Variants in IMPDH1 observed in about 807,000 individuals in gnomAD.
IMPDH1 encodes inosine monophosphate dehydrogenase 1, also known as inosine-5'-monophosphate dehydrogenase 1.
IMPDH1 carries 41 observed loss-of-function variants against 73.5 expected under a neutral mutation model. That is an observed-to-expected ratio of 0.56 (90% CI 0.43 to 0.72). The LOEUF (loss-of-function observed/expected upper bound fraction) is 0.72, where lower values mean the gene tolerates loss of function less well. Among genes scored for constraint, IMPDH1 ranks in the 30% least tolerant of loss-of-function variants. IMPDH1 has a pLI of 0.00. For synonymous variants in IMPDH1, 318 were observed against 334.3 expected (o/e 0.95, Z 0.53); for missense variants, 645 against 824.8 (o/e 0.78, Z 2.67).
Position 128,395,206 on chromosome 7 carries a change from C to T in IMPDH1, c.1330G>A (p.Val444Met), listed in dbSNP as rs1797829299. ...ATGCCGCCATCGGCTATGATGGGCACACCAAAGCGCCGGGCATACTCAGCC... is the reference window on the plus strand; with the variant it reads ...ATGCCGCCATCGGCTATGATGGGCATACCAAAGCGCCGGGCATACTCAGCC... ...KVAEYARRFG[V>M]PIIADGGIQT... The change falls in exon 13 of 17, where the codon GTG (valine) becomes ATG (methionine). Residue 444 changes from valine (V) to methionine (M), a missense_variant. Coordinates refer to ENST00000338791, the MANE Select transcript of IMPDH1 (RefSeq NM_000883.4). 3 of 1,613,986 alleles carry T rather than the reference C, an allele frequency of 1.9e-6. No individual in the cohort carries two copies. The highest frequency in any genetic ancestry group is 2.5e-6 in the Non-Finnish European group (3 of 1,180,054).
At position 128,392,924 on chromosome 7, in the gene IMPDH1, C is replaced by G. The variant is rs1427543980; in HGVS notation, c.*83G>C. 1 of 1,372,626 alleles carries G rather than the reference C, an allele frequency of 7.3e-7. No homozygotes were observed. Among genetic ancestry groups the G allele is most frequent in the South Asian group, 1.2e-5 (1 of 86,186 alleles). 85.0% of individuals were successfully genotyped at this position (1,372,626 alleles called of 1,614,324 possible). On this transcript the variant is annotated 3_prime_UTR_variant, in exon 17 of 17. Coordinates refer to ENST00000338791, the MANE Select transcript of IMPDH1 (RefSeq NM_000883.4). ...AGAACCCGTAGTGCAAATCTGTGGACCACTCAGTTATGGAGGGAGGCTGTG... is the reference window on the plus strand; with the variant it reads ...AGAACCCGTAGTGCAAATCTGTGGAGCACTCAGTTATGGAGGGAGGCTGTG...
At position 128,400,143 on chromosome 7, in the gene IMPDH1, C is replaced by A; in HGVS notation, c.826G>T (p.Gly276Cys). 1 of 1,614,094 alleles carries A rather than the reference C, an allele frequency of 6.2e-7. No homozygotes were observed. Among genetic ancestry groups the A allele is most frequent in the Non-Finnish European group, 8.5e-7 (1 of 1,180,032 alleles). Residue 276 changes from glycine to cysteine, a missense_variant, in exon 9 of 17, where the codon GGT (glycine) becomes TGT (cysteine). Physicochemically the swap from Gly to Cys is radical, Grantham distance 159. Coordinates refer to ENST00000338791, the MANE Select transcript of IMPDH1 (RefSeq NM_000883.4). ...TCATTTGCCTCTTTCAACGTCACAC[C>A]TGCTGGAGCCACCACCAGTTCAATC... ...PRIELVVAPA[G>C]VTLKEANEIL...
chr7:128,409,552 T>C, intron 1 of IMPDH1, 68 bp from the exon 2 acceptor site: 1 of 1,579,752 alleles, frequency 6.3e-7, no homozygotes, highest in South Asian at 1.1e-5. Flanking sequence ...ACGAAGCACC[T>C]AACCCTTCGC....
At position 128,398,025 on chromosome 7, in the gene IMPDH1, T is replaced by C. The variant is rs547917251; in HGVS notation, c.1074+389A>G. On this transcript the variant is annotated intron_variant, in intron 10 of 16. Transcript: ENST00000338791. This position sits in a 1 kb window ranked among gnomAD's most constrained non-coding sequence, Gnocchi z 4.3. ...TTTGGAGTTAGTTCACTAAGGATAA[T>C]GGCTTCTAGCTCTGTCCATGTTGCT... Among the ~76,000 whole-genome samples the C allele has an allele frequency of 2.0e-5, 3 of 152,354 alleles. No homozygotes were observed. In the South Asian group the frequency reaches 6.2e-4, roughly 32 times the overall value.
rs1798691797 is a variant in IMPDH1 at position 128,405,805 on chromosome 7, C to A, written c.315G>T (p.Ala105=). Residue 105 remains alanine, a synonymous_variant, in exon 4 of 17, where the codon GCG becomes GCT. Coordinates refer to ENST00000338791, the MANE Select transcript of IMPDH1 (RefSeq NM_000883.4). ...TGYVPEDGLT[A]QQLFASADGL... ...CGTCGGCGCTGGCGAAGAGCTGCTG[C>A]GCGGTGAGCCCATCCTCGGGCACGT... 3 of 1,542,808 alleles carry A rather than the reference C, an allele frequency of 1.9e-6. No individual in the cohort carries two copies. The highest frequency in any genetic ancestry group is 2.6e-6 in the Non-Finnish European group (3 of 1,145,854).
Position 128,400,090 on chromosome 7 carries a change from G to C in IMPDH1, c.874+5C>G, listed in dbSNP as rs1184864676. The C allele has an allele frequency of 6.2e-7, 1 of 1,606,086 alleles. No homozygotes were observed. The highest frequency in any genetic ancestry group is 1.1e-5 in the South Asian group (1 of 90,960). The stretch of plus-strand genomic sequence containing the variant: ...GGGTTGAGTTTTCAACTAGCTCCCT[G>C]GTACCTTTCTTGCTACGCTGCAGGA... On this transcript the variant is annotated splice_donor_5th_base_variant and intron_variant, in intron 9 of 16. Transcript: ENST00000338791.
intron 10 of IMPDH1, among the ~76,000 whole-genome samples, chr7:128,397,830 A>G (rs1233860532): frequency 6.6e-6 from 1 of 152,088 alleles, no homozygotes; most frequent in Admixed American, 6.5e-5. Context: ...TGTACCTAAT[A>G]CCCACATATC....
Position 128,394,604 on chromosome 7 carries a change from G to C in IMPDH1, c.1551-5C>G, listed in dbSNP as rs370558710. 2 of 1,613,070 alleles carry C rather than the reference G, an allele frequency of 1.2e-6. No individual in the cohort carries two copies. The highest frequency in any genetic ancestry group is 1.7e-6 in the Non-Finnish European group (2 of 1,179,944). ...ATCTTCACTTTATCCCCCTCGCTGC[G>C]TGGAGGGTGGAAGACTGAGCCCAGC... On this transcript the variant is annotated splice_region_variant and splice_polypyrimidine_tract_variant and intron_variant, in intron 14 of 16. Transcript: ENST00000338791. This position sits in a 1 kb window ranked among gnomAD's most constrained non-coding sequence, Gnocchi z 5.5.
chr7:128,399,383 A>G (rs542386976), intron 9 of IMPDH1, among the ~76,000 whole-genome samples: 1 of 149,038 alleles, frequency 6.7e-6, no homozygotes, highest in Admixed American at 6.8e-5. Flanking sequence ...AATAAATAGA[A>G]GCCAAAGTTG....
chr7:128,397,856 T>C (rs374247128), intron 10 of IMPDH1, among the ~76,000 whole-genome samples: 51 of 152,322 alleles, frequency 3.3e-4, no homozygotes, highest in African/African-American at 1.2e-3. Context: ...CTGTGTCTGA[T>C]AGCCAATTTT....
chr7:128,397,027 G>A lies in IMPDH1; in HGVS notation c.1075-5C>T, dbSNP rs981396167. ...CGAATTCCCTTGGGACGAGTCCTGTGAGAAAGGACGGAAGAGCTTGGGCTT... is the reference window on the plus strand; with the variant it reads ...CGAATTCCCTTGGGACGAGTCCTGTAAGAAAGGACGGAAGAGCTTGGGCTT... On this transcript the variant is annotated splice_region_variant and splice_polypyrimidine_tract_variant and intron_variant, in intron 10 of 16. Coordinates refer to ENST00000338791, the MANE Select transcript of IMPDH1 (RefSeq NM_000883.4). 3.1e-6 allele frequency: 5 copies of A among 1,609,600 alleles called. No individual in the cohort carries two copies. The South Asian group carries it at 3.3e-5, about 11-fold the overall frequency.
At chr7:128,409,726 G>C in intron 1 of IMPDH1, 30 bp downstream of exon 1, 1 of 1,525,124 alleles carries the variant, frequency 6.6e-7, no homozygotes, top group Non-Finnish European at 8.8e-7. Flanking sequence ...CGCCCCGGAT[G>C]CGCCCCGCGC....
chr7:128,397,729 A>C (rs1232886694), intron 10 of IMPDH1, among the ~76,000 whole-genome samples: 1 of 150,636 alleles, frequency 6.6e-6, no homozygotes, highest in East Asian at 2.0e-4. Context: ...TGCTTGCAAC[A>C]ATTTGTCAAT....
At position 128,396,758 on chromosome 7, in the gene IMPDH1, C is replaced by A; in HGVS notation, c.1166-63G>T. The A allele has an allele frequency of 7.2e-7, 1 of 1,396,814 alleles. No individual in the cohort carries two copies. Among genetic ancestry groups the A allele is most frequent in the Non-Finnish European group, 9.9e-7 (1 of 1,007,146 alleles). 86.5% of individuals were successfully genotyped at this position (1,396,814 alleles called of 1,614,324 possible). ...TGGGATGCCCCTGCCTGCCCAACAG[C>A]CTCTTGGGACCCCAGTCTAGCACCC... is the stretch of plus-strand genomic sequence containing the variant. On this transcript the variant is annotated intron_variant, in intron 11 of 16. Coordinates refer to ENST00000338791, the MANE Select transcript of IMPDH1 (RefSeq NM_000883.4). This position sits in a 1 kb window ranked among gnomAD's most constrained non-coding sequence, Gnocchi z 4.0.
At chr7:128,395,362 G>T in intron 12 of IMPDH1, 88 bp from the exon 13 acceptor site, 1 of 1,471,322 alleles carries the variant, frequency 6.8e-7, no homozygotes. Flanking sequence ...TTCCTCCTGT[G>T]CACTACCTCT....
chr7:128,394,777 T>A lies in IMPDH1; in HGVS notation c.1550+112A>T. 1 of 1,469,962 alleles carries A rather than the reference T, an allele frequency of 6.8e-7. No homozygotes were observed. The highest frequency in any genetic ancestry group is 9.4e-7 in the Non-Finnish European group (1 of 1,061,308). The allele number at this position is 1,469,962 out of a possible 1,614,324, so 91.1% of individuals were successfully genotyped here. On this transcript the variant is annotated intron_variant, in intron 14 of 16. Coordinates refer to ENST00000338791, the MANE Select transcript of IMPDH1 (RefSeq NM_000883.4). The surrounding 1 kb of genome is among the most constrained non-coding windows in gnomAD (Gnocchi z 5.5). ...CTGCTACTTAAGCCCTGTGCCTCAG[T>A]TTCCAGAACCACCATATGGGGACTG...
Position 128,409,359 on chromosome 7 carries a change from G to T in IMPDH1, c.191-7C>A. 6.2e-7 allele frequency: 1 copy of T among 1,614,186 alleles called. No homozygotes were observed. Among genetic ancestry groups the T allele is most frequent in the South Asian group, 1.1e-5 (1 of 91,086 alleles). ...AAGACCACTGAAGATAGTTCTAGGA[G>T]GAAACAGCTAAGGAGGGGTAAGCCA... On this transcript the variant is annotated splice_region_variant and splice_polypyrimidine_tract_variant and intron_variant, in intron 2 of 16. Coordinates refer to ENST00000338791, the MANE Select transcript of IMPDH1 (RefSeq NM_000883.4).
rs1002641912 is a variant in IMPDH1 at position 128,409,978 on chromosome 7, C to A, written c.-77G>T. On this transcript the variant is annotated 5_prime_UTR_variant, in exon 1 of 17. Coordinates refer to ENST00000338791, the MANE Select transcript of IMPDH1 (RefSeq NM_000883.4). The stretch of plus-strand genomic sequence containing the variant: ...GGCTGGGCAGTGAGCGCAGCCCGGT[C>A]GAGTCCCGAGGAGGGGCGGGGCCGC... The A allele has an allele frequency of 3.2e-6, 4 of 1,246,858 alleles. No individual in the cohort carries two copies. In the South Asian group the frequency reaches 1.0e-4, roughly 32 times the overall value. The allele number at this position is 1,246,858 out of a possible 1,614,324, so 77.2% of individuals were successfully genotyped here.
chr7:128,399,280 T>G (rs1434675090), intron 9 of IMPDH1, among the ~76,000 whole-genome samples: 2 of 151,892 alleles, frequency 1.3e-5, no homozygotes, highest in African/African-American at 4.8e-5. Flanking sequence ...GTAGGAGACT[T>G]GCTTGAACCC....
Sources: gnomAD v4.1 joint callset for allele counts (sites outside exome capture counted in the v4.1 genomes callset) on GRCh38, gnomAD v4.1.1 for gene constraint, Gnocchi (gnomAD v3.1) non-coding constraint, MANE v1.5 for transcripts, NCBI Gene and HGNC (gene_info 2026-07-23, HGNC 2026-07-21) for gene names.